Variants in COL4A3 observed in about 807,000 individuals in gnomAD.
The protein encoded by COL4A3 is collagen alpha-3(IV) chain.
A neutral mutation model predicts 217.4 loss-of-function variants in COL4A3; 135 were observed. That is an observed-to-expected ratio of 0.62 (90% CI 0.54 to 0.72). The LOEUF is 0.72. Ranked by LOEUF, COL4A3 falls within the 30% of genes least tolerant of loss-of-function variation. The pLI, the probability that COL4A3 is intolerant of heterozygous loss-of-function variation, is 0.00. For missense variants in COL4A3, 1,868 were observed against 2,119.9 expected (o/e 0.88, Z 2.33); for synonymous variants, 690 against 736.3 (o/e 0.94, Z 1.02).
rs567771692 is a variant in COL4A3 at position 227,276,533 on chromosome 2, C to T, written c.2020+56C>T. ...GCATCAGACACACACAACACCCTGA[C>T]TCTCTTGGAAAAATACTGTCCCCAT... On this transcript the variant is annotated intron_variant, in intron 27 of 51. Coordinates refer to ENST00000396578, the MANE Select transcript of COL4A3 (RefSeq NM_000091.5). 10 of 1,298,184 alleles carry T rather than the reference C, an allele frequency of 7.7e-6. No homozygotes were observed. The Admixed American group carries it at 1.7e-4, about 22-fold the overall frequency. 80.4% of individuals were successfully genotyped at this position (1,298,184 alleles called of 1,614,324 possible). A position where few individuals can be genotyped will look rare whatever the true frequency, so the allele number is the denominator to read the frequency against.
At chr2:227,231,756 TCC>T (rs1162820761) in intron 1 of COL4A3, among the ~76,000 whole-genome samples, 1 of 152,216 alleles carries the variant, frequency 6.6e-6, no homozygotes, top group African/African-American at 2.4e-5. Flanking sequence ...GGTCTCGAAC[TCC>T]GGATCTCAAG....
rs551666779 is a variant in COL4A3 at position 227,193,562 on chromosome 2, A to C, written c.87+28749A>C. ...CCCCATCTCTACTAAAAATACAAAAATTAGCCAGGCGTGGTTGTGCATGCC... is the reference window on the plus strand; with the variant it reads ...CCCCATCTCTACTAAAAATACAAAACTTAGCCAGGCGTGGTTGTGCATGCC... On this transcript the variant is annotated intron_variant, in intron 1 of 51. Coordinates refer to ENST00000396578, the MANE Select transcript of COL4A3 (RefSeq NM_000091.5). Among the ~76,000 whole-genome samples, 4 of 152,104 alleles carry C rather than the reference A, an allele frequency of 2.6e-5. No homozygotes were observed. In the East Asian group the frequency reaches 7.7e-4, roughly 29 times the overall value.
chr2:227,243,744 G>C (rs554478813), intron 3 of COL4A3, among the ~76,000 whole-genome samples: 31 of 152,342 alleles, frequency 2.0e-4, no homozygotes, highest in African/African-American at 7.5e-4. Flanking sequence ...ATAGGACGTC[G>C]AAACTGAATG....
intron 50 of COL4A3, among the ~76,000 whole-genome samples, 154 bp downstream of exon 50, chr2:227,309,472 T>C (rs988229120): frequency 3.3e-5 from 5 of 152,166 alleles, no homozygotes; most frequent in Non-Finnish European, 7.4e-5. Context: ...AAACAGACTT[T>C]TTTTTTTTAC....
intron 11 of COL4A3, 141 bp downstream of exon 11, chr2:227,251,512 A>G: frequency 1.4e-6 from 1 of 731,386 alleles, no homozygotes; most frequent in South Asian, 1.6e-5. Context: ...GAGCATGGCT[A>G]GCTGCTCTCA....
intron 1 of COL4A3, among the ~76,000 whole-genome samples, chr2:227,203,387 GTGTATATA>G (rs1234114160): frequency 2.0e-5 from 1 of 49,952 alleles, no homozygotes; most frequent in Non-Finnish European, 3.7e-5. Context: ...ATACATATAT[GTGTATATA>G]TGTGTATACA....
chr2:227,206,021 G>C (rs2067087247), intron 1 of COL4A3, among the ~76,000 whole-genome samples: 1 of 152,122 alleles, frequency 6.6e-6, no homozygotes. Context: ...CTGGGGTTTT[G>C]ATTCAACACG....
chr2:227,280,676 A>G (rs550147035), intron 30 of COL4A3, 86 bp downstream of exon 30: 4 of 1,460,978 alleles, frequency 2.7e-6, no homozygotes, highest in African/African-American at 1.4e-5. Context: ...CTAGGCATGA[A>G]GAATTCTCCC....
chr2:227,256,288 A>G, intron 16 of COL4A3, 55 bp from the exon 17 acceptor site: 7 of 1,523,460 alleles, frequency 4.6e-6, no homozygotes, highest in Non-Finnish European at 5.5e-6. Context: ...CTGCTCCCCC[A>G]GAAGAAGTTG....
At chr2:227,302,677 C>CAAAAAAAAAAAA (rs56065709) in intron 43 of COL4A3, among the ~76,000 whole-genome samples, 2,979 of 79,650 alleles carry the variant, frequency 0.037, 512 homozygotes, top group Non-Finnish European at 0.04. Context: ...ACTCTTTCTC[C>CAAAAAAAAAAAA]AAAAAAAAAA....
chr2:227,294,985 C>A lies in COL4A3; in HGVS notation c.3440C>A (p.Ser1147Tyr), dbSNP rs200107989. 1.9e-6 allele frequency: 3 copies of A among 1,576,906 alleles called. No homozygotes were observed. Among genetic ancestry groups the A allele is most frequent in the South Asian group, 1.1e-5 (1 of 90,120 alleles). Residue 1147 changes from serine (S) to tyrosine (Y), a missense_variant, in exon 40 of 52, where the codon TCT (serine) becomes TAT (tyrosine). Ser to Tyr is a moderately radical substitution (Grantham distance 144). Coordinates refer to ENST00000396578, the MANE Select transcript of COL4A3 (RefSeq NM_000091.5). ...GPPGLPGFPG[S>Y]PGPMGIRGDQ... is the part of the protein sequence containing the mutation. The stretch of plus-strand genomic sequence containing the variant: ...TCAGGTCTTCCAGGATTTCCAGGAT[C>A]TCCTGGACCAATGGGTATAAGAGGT...
intron 1 of COL4A3, among the ~76,000 whole-genome samples, chr2:227,173,058 C>T (rs2065548948): frequency 6.6e-6 from 1 of 152,196 alleles, no homozygotes; most frequent in Non-Finnish European, 1.5e-5. Flanking sequence ...CATTCTGCCC[C>T]TGGTCTCAAG....
At chr2:227,226,350 C>T (rs542074833) in intron 1 of COL4A3, among the ~76,000 whole-genome samples, 1 of 152,232 alleles carries the variant, frequency 6.6e-6, no homozygotes, top group African/African-American at 2.4e-5. Context: ...GAAGGGGAGG[C>T]ACATGGGGGT....
intron 18 of COL4A3, chr2:227,259,174 T>G (rs1159596174): frequency 6.6e-6 from 1 of 152,216 alleles, no homozygotes; most frequent in Non-Finnish European, 1.5e-5. Context: ...CAGCTTCTAC[T>G]AACCTCAAAA....
rs35793546 is a variant in COL4A3 at position 227,272,827 on chromosome 2, A to C, written c.1759-122A>C. 0.081 allele frequency: 87,641 copies of C among 1,075,894 alleles called. 3,700 individuals are homozygous for C. Among genetic ancestry groups the C allele is most frequent in the Admixed American group, 0.12 (6,706 of 55,196 alleles). 66.6% of individuals were successfully genotyped at this position (1,075,894 alleles called of 1,614,324 possible). ...TTAGTAATAATTCTCATCAAATGCCAAATGCTTTTAATTCAAGATCTCAAT... is the reference window on the plus strand; with the variant it reads ...TTAGTAATAATTCTCATCAAATGCCCAATGCTTTTAATTCAAGATCTCAAT... On this transcript the variant is annotated intron_variant, in intron 25 of 51. Transcript: ENST00000396578.
At chr2:227,240,332 C>A in intron 3 of COL4A3, 100 bp downstream of exon 3, 1 of 1,144,490 alleles carries the variant, frequency 8.7e-7, no homozygotes, top group Non-Finnish European at 1.3e-6. Flanking sequence ...CACATCTTAG[C>A]CAACTGCTAG....
At chr2:227,254,423 G>A (rs777196514) in intron 14 of COL4A3, among the ~76,000 whole-genome samples, 10 of 152,048 alleles carry the variant, frequency 6.6e-5, no homozygotes, top group Non-Finnish European at 1.3e-4. Flanking sequence ...TGAAATCCTT[G>A]CACTGCTGTA....
rs1188570609 is a variant in COL4A3, at chr2:227,303,128, T to G, written c.3955+18T>G. 6.2e-7 allele frequency: 1 copy of G among 1,602,382 alleles called. No homozygotes were observed. Among genetic ancestry groups the G allele is most frequent in the Non-Finnish European group, 8.6e-7 (1 of 1,169,484 alleles). ...CGTGAAAGGTACTGTTTTTGTGCAT[T>G]GCTCTTTATATGCAAATACCATAAC... is the stretch of plus-strand genomic sequence containing the variant. On this transcript the variant is annotated intron_variant, in intron 44 of 51. Coordinates refer to ENST00000396578, the MANE Select transcript of COL4A3 (RefSeq NM_000091.5).
Position 227,164,675 on chromosome 2 carries a change from C to T in COL4A3, c.-52C>T, listed in dbSNP as rs1209787842. The T allele has an allele frequency of 2.0e-6, 3 of 1,529,590 alleles. No individual in the cohort carries two copies. Among genetic ancestry groups the T allele is most frequent in the African/African-American group, 2.8e-5 (2 of 72,374 alleles). 94.8% of individuals were successfully genotyped at this position (1,529,590 alleles called of 1,614,324 possible). A position where few individuals can be genotyped will look rare whatever the true frequency, so the allele number is the denominator to read the frequency against. On this transcript the variant is annotated 5_prime_UTR_variant, in exon 1 of 52. Coordinates refer to ENST00000396578, the MANE Select transcript of COL4A3 (RefSeq NM_000091.5). The surrounding 1 kb of genome is among the most constrained non-coding windows in gnomAD (Gnocchi z 4.8). The stretch of plus-strand genomic sequence containing the variant: ...CGCGCTGCGCAGGAGACGCGGTGGC[C>T]TGAGAGCCTGAGGGTCCCCGGACTC...
Sources: allele counts gnomAD v4.1 joint callset (sites outside exome capture counted in the v4.1 genomes callset), GRCh38; gene constraint gnomAD v4.1.1; non-coding constraint Gnocchi (gnomAD v3.1); transcripts MANE v1.5; gene names NCBI Gene and HGNC (gene_info 2026-07-23, HGNC 2026-07-21).